The following WWC1 variants were observed in gnomAD, a reference collection of about 807,000 sequenced individuals.
WWC1 encodes the protein protein KIBRA.
A neutral mutation model predicts 138.4 loss-of-function variants in WWC1; 55 were observed. That is an observed-to-expected ratio of 0.40 (90% CI 0.32 to 0.50). WWC1 has a LOEUF of 0.50. Ranked by LOEUF, WWC1 falls within the 20% of genes least tolerant of loss-of-function variation. WWC1 has a pLI of 0.72. For synonymous variants in WWC1, 524 were observed against 564.9 expected (o/e 0.93, Z 1.03); for missense variants, 1,226 against 1,420.4 (o/e 0.86, Z 2.20).
At chr5:168,346,384 A>G (rs147472567) in intron 1 of WWC1, among the ~76,000 whole-genome samples, 3 of 152,268 alleles carry the variant, frequency 2.0e-5, no homozygotes, top group Admixed American at 6.5e-5. Flanking sequence ...GCAGCTGCAG[A>G]TGTATTTCCT....
intron 1 of WWC1, among the ~76,000 whole-genome samples, chr5:168,315,157 C>T (rs1037212623): frequency 5.3e-5 from 8 of 150,382 alleles, no homozygotes; most frequent in Admixed American, 4.7e-4. Context: ...ACCAATATTC[C>T]ATCAAAGCCA....
At chr5:168,319,964 A>G (rs1471956359) in intron 1 of WWC1, among the ~76,000 whole-genome samples, 4 of 151,488 alleles carry the variant, frequency 2.6e-5, no homozygotes, top group African/African-American at 9.7e-5. Context: ...ATGGGTATGA[A>G]GTGGTATTTC....
At chr5:168,364,333 C>T (rs1375777667) in intron 1 of WWC1, among the ~76,000 whole-genome samples, 3 of 152,168 alleles carry the variant, frequency 2.0e-5, no homozygotes. Flanking sequence ...TCCCTGACTA[C>T]ACCCCATTGC....
intron 1 of WWC1, among the ~76,000 whole-genome samples, chr5:168,343,775 T>C (rs796596120): frequency 5.4e-5 from 8 of 148,468 alleles, no homozygotes; most frequent in African/African-American, 1.7e-4. Flanking sequence ...TGAGCTGAGA[T>C]CATGCCACTG....
rs114406755 is a variant in WWC1, at chr5:168,343,890, G to A, written c.120-27534G>A. 2.4e-3 allele frequency among the ~76,000 whole-genome samples: 370 copies of A among 151,820 alleles called. 5 individuals carry two copies. Among genetic ancestry groups the A allele is most frequent in the African/African-American group, 8.5e-3 (351 of 41,372 alleles). On this transcript the variant is annotated intron_variant, in intron 1 of 22. Transcript: ENST00000265293. ...TTTTTCCTAGTCTTCAGGGGTTCAG[G>A]GCTCTCAGATGTCTCCCCCACCATA... is the stretch of plus-strand genomic sequence containing the variant.
chr5:168,428,008 C>A, intron 11 of WWC1, 25 bp from the exon 12 acceptor site: 2 of 1,606,320 alleles, frequency 1.2e-6, no homozygotes, highest in Non-Finnish European at 1.7e-6. Context: ...GTTCCTGAAC[C>A]TGCCTTTCCA....
At chr5:168,308,988 C>T (rs1457997428) in intron 1 of WWC1, among the ~76,000 whole-genome samples, 1 of 152,128 alleles carries the variant, frequency 6.6e-6, no homozygotes, top group African/African-American at 2.4e-5. Flanking sequence ...ACATCCACTG[C>T]CTCCACTGCC....
chr5:168,291,985 C>A lies in WWC1; in HGVS notation c.-168C>A. 1 of 689,304 alleles carries A rather than the reference C, an allele frequency of 1.5e-6. No individual in the cohort carries two copies. The highest frequency in any genetic ancestry group is 2.1e-6 in the Non-Finnish European group (1 of 482,534). 42.7% of individuals were successfully genotyped at this position (689,304 alleles called of 1,614,324 possible). ...GGTCGGGGCTGCAGGGCCGCATGGACAGCGGCGCCACCCCGGCCGGCCCCT... is the reference window on the plus strand; with the variant it reads ...GGTCGGGGCTGCAGGGCCGCATGGAAAGCGGCGCCACCCCGGCCGGCCCCT... On this transcript the variant is annotated 5_prime_UTR_variant, in exon 1 of 23. Transcript: ENST00000265293.
At chr5:168,429,333 G>A (rs1231779536) in intron 13 of WWC1, among the ~76,000 whole-genome samples, 6 of 144,262 alleles carry the variant, frequency 4.2e-5, no homozygotes, top group South Asian at 2.3e-4. Context: ...ATCTCAGCTC[G>A]CTGCAACCTC....
In WWC1 at chr5:168,469,950, C is replaced by A. The variant is rs1380963678; in HGVS notation, c.*933C>A. ...GCTCGGCTCATTGGGAATCCACATC[C>A]CCAAGTTAGACTGGGGATATGCTCT... On this transcript the variant is annotated 3_prime_UTR_variant, in exon 23 of 23. Transcript: ENST00000265293. 6.6e-6 allele frequency: 1 copy of A among 152,100 alleles called. No homozygotes were observed. The highest frequency in any genetic ancestry group is 2.4e-5 in the African/African-American group (1 of 41,410). The allele number at this position is 152,100 out of a possible 1,614,324, so 9.4% of individuals were successfully genotyped here. A position where few individuals can be genotyped will look rare whatever the true frequency, so the allele number is the denominator to read the frequency against.
chr5:168,428,372 C>T (rs933832022), intron 12 of WWC1, among the ~76,000 whole-genome samples: 12 of 151,968 alleles, frequency 7.9e-5, no homozygotes, highest in South Asian at 2.1e-4. Context: ...GTGGTAGCTA[C>T]GAAAAAGGTA....
At position 168,469,051 on chromosome 5, in the gene WWC1, C is replaced by A. The variant is rs369478560; in HGVS notation, c.*34C>A. On this transcript the variant is annotated 3_prime_UTR_variant, in exon 23 of 23. Coordinates refer to ENST00000265293, the MANE Select transcript of WWC1 (RefSeq NM_015238.3). Reference sequence around the variant, plus strand: ...AAAGTATTTCCTTTGTTCCACTGACCAGGCTGTGAACATTGACTGTGGCTA... The same window carrying A: ...AAAGTATTTCCTTTGTTCCACTGACAAGGCTGTGAACATTGACTGTGGCTA... 1.4e-5 allele frequency: 22 copies of A among 1,611,924 alleles called. No individual in the cohort carries two copies. Among genetic ancestry groups the A allele is most frequent in the Non-Finnish European group, 1.9e-5 (22 of 1,178,146 alleles).
intron 1 of WWC1, among the ~76,000 whole-genome samples, chr5:168,318,886 A>G (rs1771831602): frequency 6.6e-6 from 1 of 152,100 alleles, no homozygotes; most frequent in Non-Finnish European, 1.5e-5. Context: ...ACTTAGCATA[A>G]TGTTCTCAAG....
At chr5:168,337,453 T>C (rs1773585401) in intron 1 of WWC1, among the ~76,000 whole-genome samples, 1 of 151,962 alleles carries the variant, frequency 6.6e-6, no homozygotes, top group African/African-American at 2.4e-5. Context: ...TGCCTCTAAA[T>C]GGCTAGGGGC....
chr5:168,325,843 G>A (rs921999135), intron 1 of WWC1, among the ~76,000 whole-genome samples: 1 of 151,910 alleles, frequency 6.6e-6, no homozygotes, highest in African/African-American at 2.4e-5. Context: ...CTACTATTCT[G>A]TCTCTGGCTC....
intron 1 of WWC1, among the ~76,000 whole-genome samples, chr5:168,357,740 G>A (rs1258877406): frequency 1.3e-5 from 2 of 151,982 alleles, no homozygotes; most frequent in East Asian, 1.9e-4. Context: ...AGAACACTTC[G>A]GTGTTTCATG....
At chr5:168,342,853 G>T (rs1291773666) in intron 1 of WWC1, among the ~76,000 whole-genome samples, 1 of 152,188 alleles carries the variant, frequency 6.6e-6, no homozygotes, top group East Asian at 1.9e-4. Context: ...CGGATTGAGA[G>T]CACAGTGGGG....
chr5:168,339,419 GT>G (rs1252944067), intron 1 of WWC1, among the ~76,000 whole-genome samples: 1 of 152,186 alleles, frequency 6.6e-6, no homozygotes, highest in African/African-American at 2.4e-5. Context: ...TAAGGAGAAT[GT>G]CGTGTTTGTT....
chr5:168,370,354 A>T (rs1776659938), intron 1 of WWC1, among the ~76,000 whole-genome samples: 1 of 152,322 alleles, frequency 6.6e-6, no homozygotes, highest in South Asian at 2.1e-4. Flanking sequence ...GGGAGGGGAC[A>T]TATCTAGCAA....
Sources: allele counts gnomAD v4.1 joint callset (sites outside exome capture counted in the v4.1 genomes callset), GRCh38; gene constraint gnomAD v4.1.1; transcripts MANE v1.5; gene names NCBI Gene and HGNC (gene_info 2026-07-23, HGNC 2026-07-21).